POLA1: variants seen among roughly 807,000 people sequenced by gnomAD.
POLA1 encodes the protein DNA polymerase alpha 1, catalytic subunit.
Under a neutral mutation model 124.0 loss-of-function variants are expected in POLA1, and 15 were observed. The ratio of observed to expected loss-of-function variants is 0.12; its 90% CI spans 0.08 to 0.19. The LOEUF (loss-of-function observed/expected upper bound fraction) is 0.19. Ranked by LOEUF, POLA1 falls within the 10% of genes least tolerant of loss-of-function variation. The pLI, the probability that POLA1 is intolerant of heterozygous loss-of-function variation, is 1.00. For missense variants in POLA1, 886 were observed against 1,103.4 expected (o/e 0.80, Z 2.79); for synonymous variants, 408 against 389.4 (o/e 1.05, Z -0.56).
chrX:24,947,995 C>A (rs962735761), intron 36 of POLA1, among the ~76,000 whole-genome samples: 2 of 112,113 alleles, frequency 1.8e-5, no homozygotes, highest in African/African-American at 3.2e-5. Context: ...GTGGCATGGG[C>A]AAACCATTAT....
At position 24,843,573 on chromosome X, in the gene POLA1, C is replaced by T. The variant is rs201607896; in HGVS notation, c.3943C>T (p.Arg1315Cys). 62 of 1,191,259 alleles carry T rather than the reference C, an allele frequency of 5.2e-5. No homozygotes were observed. Among genetic ancestry groups the T allele is most frequent in the Non-Finnish European group, 6.6e-5 (58 of 882,099 alleles). Residue 1315 changes from arginine (R) to cysteine (C), a missense_variant, in exon 34 of 37, where the codon CGT becomes TGT. Arg to Cys is a radical substitution (Grantham distance 180). Coordinates refer to ENST00000379068, the MANE Select transcript of POLA1 (RefSeq NM_001330360.2). Reference protein sequence around the residue: ...SGTDMEPSLYRCSNIDCKASP... With the variant: ...SGTDMEPSLYCCSNIDCKASP... Reference sequence around the variant, plus strand: ...AACAGATATGGAGCCCAGCTTGTATCGTTGCAGTAACATCGATTGTAAGGC... The same window carrying T: ...AACAGATATGGAGCCCAGCTTGTATTGTTGCAGTAACATCGATTGTAAGGC...
intron 34 of POLA1, among the ~76,000 whole-genome samples, chrX:24,862,047 A>T (rs1188282563): frequency 8.9e-6 from 1 of 111,836 alleles, no homozygotes; most frequent in Non-Finnish European, 1.9e-5. Flanking sequence ...GAAGAGATTG[A>T]TTTAAGACAG....
chrX:24,792,059 A>G (rs1464266657), intron 26 of POLA1, among the ~76,000 whole-genome samples: 2 of 112,584 alleles, frequency 1.8e-5, no homozygotes, highest in Admixed American at 9.4e-5. Context: ...AGGTACTCTT[A>G]TAACAGAAAA....
At chrX:24,716,334 A>G in intron 6 of POLA1, 28 bp from the exon 7 acceptor site, 2 of 776,330 alleles carry the variant, frequency 2.6e-6, no homozygotes, top group Non-Finnish European at 4.0e-6. Context: ...CAAGCATGGC[A>G]GTGAATATGT....
At chrX:24,878,260 A>G (rs2046960419) in intron 34 of POLA1, among the ~76,000 whole-genome samples, 1 of 111,803 alleles carries the variant, frequency 8.9e-6, no homozygotes, top group African/African-American at 3.2e-5. Context: ...GCTATAGTTC[A>G]GTTTTAACAT....
At chrX:24,813,687 G>T (rs1332590340) in intron 29 of POLA1, among the ~76,000 whole-genome samples, 1 of 110,851 alleles carries the variant, frequency 9.0e-6, no homozygotes, top group African/African-American at 3.3e-5. Flanking sequence ...GGTGGCACAT[G>T]CCTGTAATCC....
chrX:24,991,556 C>T (rs1194390891), intron 36 of POLA1, among the ~76,000 whole-genome samples: 1 of 112,487 alleles, frequency 8.9e-6, no homozygotes, highest in African/African-American at 3.2e-5. Context: ...ATGGCACCTC[C>T]ATTTGCTTTG....
At chrX:24,963,406 A>G (rs2147262804) in intron 36 of POLA1, among the ~76,000 whole-genome samples, 1 of 111,767 alleles carries the variant, frequency 8.9e-6, no homozygotes, top group African/African-American at 3.2e-5. Context: ...ATCCTCTTTC[A>G]GGGGTTACAG....
At chrX:24,768,898 A>G (rs1204886347) in intron 26 of POLA1, among the ~76,000 whole-genome samples, 1 of 112,090 alleles carries the variant, frequency 8.9e-6, no homozygotes, top group Non-Finnish European at 1.9e-5. Flanking sequence ...TTGCAAGGAA[A>G]AGGGAGAATT....
In POLA1 at chrX:24,754,290, T is replaced by G. The variant is rs1359315364; in HGVS notation, c.2964+5298T>G. Among the ~76,000 whole-genome samples the G allele has an allele frequency of 4.6e-5, 5 of 109,374 alleles. No homozygotes were observed. The Admixed American group carries it at 4.9e-4, about 11-fold the overall frequency. The allele number at this position is 109,374 out of a possible 115,157, so 95.0% of individuals were successfully genotyped here. The stretch of plus-strand genomic sequence containing the variant: ...GGGGGGCAGGGGGGCAGAGTTTCAC[T>G]CTTGTTGCCTAGGCTGGAGTGCAAT... On this transcript the variant is annotated intron_variant, in intron 26 of 36. Transcript: ENST00000379068.
chrX:24,900,125 G>T (rs565773692), intron 35 of POLA1, among the ~76,000 whole-genome samples: 2 of 111,364 alleles, frequency 1.8e-5, no homozygotes, highest in Non-Finnish European at 3.8e-5. Flanking sequence ...GGTTTTTTAC[G>T]TTCAAAGCAG....
intron 10 of POLA1, among the ~76,000 whole-genome samples, chrX:24,720,274 A>G (rs936602754): frequency 8.9e-6 from 1 of 111,768 alleles, no homozygotes; most frequent in Non-Finnish European, 1.9e-5. Context: ...TTGTGACTAC[A>G]TCATAGCCTT....
chrX:24,838,886 A>G (rs2046375216), intron 32 of POLA1, among the ~76,000 whole-genome samples: 1 of 112,445 alleles, frequency 8.9e-6, no homozygotes, highest in Non-Finnish European at 1.9e-5. Context: ...TATAAGCAGT[A>G]AAACTTTAAA....
chrX:24,698,197 C>A, intron 1 of POLA1, among the ~76,000 whole-genome samples: 1 of 111,663 alleles, frequency 9.0e-6, no homozygotes, highest in Non-Finnish European at 1.9e-5. Context: ...CCACCTCAGC[C>A]TCCCAAAGTG....
chrX:24,888,083 T>G lies in POLA1; in HGVS notation c.4125T>G (p.Pro1375=), dbSNP rs144039189. ...HLPLQFSRTG[P]LCPACMKATL... is the part of the protein sequence containing the mutation. ...CCCTTCAATTCTCCCGAACTGGGCCTCTTTGCCCAGCCTGCATGAAAGCTA... is the reference window on the plus strand; with the variant it reads ...CCCTTCAATTCTCCCGAACTGGGCCGCTTTGCCCAGCCTGCATGAAAGCTA... Residue 1375 remains proline (P), a synonymous_variant, in exon 35 of 37, where the codon CCT becomes CCG. Coordinates refer to ENST00000379068, the MANE Select transcript of POLA1 (RefSeq NM_001330360.2). 38 of 1,198,784 alleles carry G rather than the reference T, an allele frequency of 3.2e-5. No homozygotes were observed. Among genetic ancestry groups the G allele is most frequent in the Non-Finnish European group, 4.2e-5 (37 of 885,714 alleles).
rs765669725 is a variant in POLA1, at chrX:24,790,260, G to A, written c.2965-19638G>A. Among the ~76,000 whole-genome samples, 11 of 112,043 alleles carry A rather than the reference G, an allele frequency of 9.8e-5. No individual in the cohort carries two copies. In the South Asian group the frequency reaches 4.1e-3, roughly 42 times the overall value. On this transcript the variant is annotated intron_variant, in intron 26 of 36. Coordinates refer to ENST00000379068, the MANE Select transcript of POLA1 (RefSeq NM_001330360.2). ...GTCATAGAAACTATAGTTGCAGGAG[G>A]TTTAAAGTTTAGAGTGTGTCTATGG... is the stretch of plus-strand genomic sequence containing the variant.
chrX:24,825,835 G>A (rs893812262), intron 31 of POLA1, among the ~76,000 whole-genome samples: 8 of 110,815 alleles, frequency 7.2e-5, no homozygotes, highest in Non-Finnish European at 1.3e-4. Context: ...AGGACACTAC[G>A]TCATTTTTAC....
At chrX:24,712,168 T>C (rs1393880171) in intron 4 of POLA1, among the ~76,000 whole-genome samples, 1 of 110,414 alleles carries the variant, frequency 9.1e-6, no homozygotes, top group African/African-American at 3.3e-5. Flanking sequence ...TCATTGCAAC[T>C]TCCGCCTCCT....
At chrX:24,760,136 T>C (rs1932772067) in intron 26 of POLA1, among the ~76,000 whole-genome samples, 2 of 112,305 alleles carry the variant, frequency 1.8e-5, no homozygotes, top group Non-Finnish European at 3.8e-5. Flanking sequence ...GTTCTACAGT[T>C]GGTCTAGGTA....
Sources: allele counts gnomAD v4.1 joint callset (sites outside exome capture counted in the v4.1 genomes callset), GRCh38; gene constraint gnomAD v4.1.1; transcripts MANE v1.5; gene names NCBI Gene and HGNC (gene_info 2026-07-23, HGNC 2026-07-21).